ATP6V1A: variants seen among roughly 807,000 people sequenced by gnomAD.
The protein encoded by ATP6V1A is V-type proton ATPase catalytic subunit A.
ATP6V1A carries 18 observed loss-of-function variants against 70.1 expected under a neutral mutation model. The observed-to-expected ratio is 0.26, with a 90% confidence interval of 0.18 to 0.38. The LOEUF is 0.38. ATP6V1A is among the 10% of genes least tolerant of loss of function. The pLI is 1.00. For synonymous variants in ATP6V1A, 232 were observed against 253.8 expected, an observed-to-expected ratio of 0.91 and a Z score of 0.82; for missense variants, 424 against 772.4, an observed-to-expected ratio of 0.55 and a Z score of 5.35.
At chr3:113,808,159 G>T (rs1305206569) in intron 14 of ATP6V1A, among the ~76,000 whole-genome samples, 1 of 149,636 alleles carries the variant, frequency 6.7e-6, no homozygotes, top group East Asian at 1.9e-4. Context: ...GAAAAGAAAA[G>T]AAAATTTCCA....
chr3:113,770,652 CT>C (rs1039538686), intron 1 of ATP6V1A, among the ~76,000 whole-genome samples: 1 of 151,974 alleles, frequency 6.6e-6, no homozygotes, highest in African/African-American at 2.4e-5. Flanking sequence ...GCACTCCAGC[CT>C]GGGTAGCAGA....
rs541068741 is a variant in ATP6V1A at position 113,811,710 on chromosome 3, G to C, written c.*2283G>C. On this transcript the variant is annotated 3_prime_UTR_variant, in exon 15 of 15. Coordinates refer to ENST00000273398, the MANE Select transcript of ATP6V1A (RefSeq NM_001690.4). ...GCGAACCTATGCTCAGATATTCATC[G>C]TAAGTCTCCCTTCACCTGTTACAGA... is the stretch of plus-strand genomic sequence containing the variant. 3 of 152,666 alleles carry C rather than the reference G, an allele frequency of 2.0e-5. No homozygotes were observed. The highest frequency in any genetic ancestry group is 4.8e-5 in the African/African-American group (2 of 41,534). The allele number at this position is 152,666 out of a possible 1,614,324, so 9.5% of individuals were successfully genotyped here.
intron 8 of ATP6V1A, among the ~76,000 whole-genome samples, chr3:113,792,015 A>T (rs1347607750): frequency 6.6e-6 from 1 of 152,056 alleles, no homozygotes; most frequent in Admixed American, 6.6e-5. Context: ...GTGACTTTTT[A>T]AATTATATTG....
chr3:113,796,863 A>G (rs1290250175), intron 11 of ATP6V1A, among the ~76,000 whole-genome samples: 1 of 152,254 alleles, frequency 6.6e-6, no homozygotes, highest in Non-Finnish European at 1.5e-5. Flanking sequence ...CCTTACAAAA[A>G]TCACTGTCAG....
intron 1 of ATP6V1A, among the ~76,000 whole-genome samples, chr3:113,750,308 TCTTTA>T (rs1708571736): frequency 6.6e-6 from 1 of 152,104 alleles, no homozygotes; most frequent in African/African-American, 2.4e-5. Flanking sequence ...TGAAACCCTG[TCTTTA>T]CTTAAAAAAA....
chr3:113,759,757 A>G (rs1304639015), intron 1 of ATP6V1A, among the ~76,000 whole-genome samples: 2 of 152,142 alleles, frequency 1.3e-5, no homozygotes, highest in East Asian at 3.8e-4. Context: ...TGTACTTTGA[A>G]AGGGTTTTAT....
chr3:113,779,632 G>A (rs759370324), intron 2 of ATP6V1A, among the ~76,000 whole-genome samples: 5 of 152,142 alleles, frequency 3.3e-5, no homozygotes, highest in Admixed American at 6.5e-5. Flanking sequence ...AGAACTTGGT[G>A]TTTGAGCTTG....
At chr3:113,754,503 C>T (rs1708625377) in intron 1 of ATP6V1A, among the ~76,000 whole-genome samples, 1 of 151,818 alleles carries the variant, frequency 6.6e-6, no homozygotes, top group Admixed American at 6.6e-5. Flanking sequence ...CACTGCACTC[C>T]AGCCTGGGCG....
At chr3:113,755,100 A>G (rs1708631983) in intron 1 of ATP6V1A, among the ~76,000 whole-genome samples, 1 of 152,190 alleles carries the variant, frequency 6.6e-6, no homozygotes, top group Non-Finnish European at 1.5e-5. Flanking sequence ...TTAGAGTAGT[A>G]TTAATATAAC....
At chr3:113,805,208 TA>T (rs1709261439) in intron 13 of ATP6V1A, 145 bp from the exon 14 acceptor site, 2 of 801,706 alleles carry the variant, frequency 2.5e-6, no homozygotes, top group East Asian at 2.8e-5. Flanking sequence ...TTTTCACTAT[TA>T]TTTTTTTATT....
intron 1 of ATP6V1A, among the ~76,000 whole-genome samples, chr3:113,760,059 C>A (rs1017645030): frequency 6.6e-6 from 1 of 152,212 alleles, no homozygotes; most frequent in Non-Finnish European, 1.5e-5. Context: ...CAGTTAATTT[C>A]TTAGTAAATC....
At chr3:113,784,194 T>C in intron 3 of ATP6V1A, 30 bp from the exon 4 acceptor site, 1 of 1,574,558 alleles carries the variant, frequency 6.4e-7, no homozygotes, top group Non-Finnish European at 8.7e-7. Flanking sequence ...TAAACCTTCA[T>C]AGTAGGTTTT....
chr3:113,785,896 G>T (rs1265722906), intron 5 of ATP6V1A, among the ~76,000 whole-genome samples: 1 of 144,882 alleles, frequency 6.9e-6, no homozygotes, highest in African/African-American at 2.6e-5. Flanking sequence ...TAGGAGATGG[G>T]GTGTCACTAT....
intron 7 of ATP6V1A, among the ~76,000 whole-genome samples, chr3:113,789,516 ATTTAT>A (rs1369024499): frequency 1.3e-5 from 2 of 152,144 alleles, no homozygotes; most frequent in African/African-American, 2.4e-5. Flanking sequence ...TTCATAAAAT[ATTTAT>A]TTTATTTATG....
intron 1 of ATP6V1A, among the ~76,000 whole-genome samples, chr3:113,773,641 A>G (rs898999314): frequency 3.3e-5 from 5 of 152,192 alleles, no homozygotes; most frequent in African/African-American, 1.2e-4. Context: ...TTAAAAAATC[A>G]GAACAGACAT....
At chr3:113,789,015 GTAAT>G (rs1709065973) in intron 7 of ATP6V1A, 140 bp downstream of exon 7, 2 of 766,532 alleles carry the variant, frequency 2.6e-6, no homozygotes, top group Admixed American at 6.3e-5. Flanking sequence ...AATTATATTT[GTAAT>G]TAATCTGTAT....
At chr3:113,770,523 CA>C (rs1708824609) in intron 1 of ATP6V1A, among the ~76,000 whole-genome samples, 1 of 151,632 alleles carries the variant, frequency 6.6e-6, no homozygotes, top group Non-Finnish European at 1.5e-5. Flanking sequence ...ACTAAAAATG[CA>C]AAAAATTAGC....
At chr3:113,809,229 T>G in intron 14 of ATP6V1A, 106 bp from the exon 15 acceptor site, 1 of 866,396 alleles carries the variant, frequency 1.2e-6, no homozygotes, top group Non-Finnish European at 1.7e-6. Flanking sequence ...CACTCCAGCC[T>G]GGGTGACAGA....
At chr3:113,772,742 AC>A (rs1215480065) in intron 1 of ATP6V1A, among the ~76,000 whole-genome samples, 3 of 146,914 alleles carry the variant, frequency 2.0e-5, no homozygotes, top group Non-Finnish European at 3.0e-5. Flanking sequence ...AAAAAAAAAA[AC>A]CAAATGGACA....
Sources: allele counts gnomAD v4.1 joint callset (sites outside exome capture counted in the v4.1 genomes callset), GRCh38; gene constraint gnomAD v4.1.1; transcripts MANE v1.5; gene names NCBI Gene and HGNC (gene_info 2026-07-23, HGNC 2026-07-21).